The following RBFOX1 variants were observed in gnomAD, a reference collection of about 807,000 sequenced individuals.
RBFOX1 encodes the protein RNA binding fox-1 homolog 1.
RBFOX1 carries 8 observed loss-of-function variants against 57.7 expected under a neutral mutation model. That is an observed-to-expected ratio of 0.14 (90% CI 0.08 to 0.25). RBFOX1 has a LOEUF of 0.25. Among genes scored for constraint, RBFOX1 ranks in the 10% least tolerant of loss-of-function variants. RBFOX1 has a pLI of 1.00. For synonymous variants in RBFOX1, 326 were observed against 222.4 expected (o/e 1.47, Z -4.15); for missense variants, 611 against 548.5 (o/e 1.11, Z -1.14).
intron 3 of RBFOX1, among the ~76,000 whole-genome samples, chr16:5,688,531 C>T (rs1416512292): frequency 1.3e-5 from 2 of 152,102 alleles, no homozygotes; most frequent in Non-Finnish European, 2.9e-5. Context: ...TCCCAGATGT[C>T]CAGTGATGTT....
chr16:6,147,883 C>A (rs1396660033), intron 1 of RBFOX1, among the ~76,000 whole-genome samples: 2 of 152,158 alleles, frequency 1.3e-5, no homozygotes, highest in Non-Finnish European at 2.9e-5. Context: ...AATCTCAAAT[C>A]CCCCCACTTC....
intron 3 of RBFOX1, among the ~76,000 whole-genome samples, chr16:6,724,209 T>TC (rs2066635022): frequency 1.0e-5 from 1 of 95,478 alleles, no homozygotes; most frequent in African/African-American, 4.2e-5. Flanking sequence ...GCATCTTCCA[T>TC]TTTTTTTTTT....
chr16:6,037,600 T>A (rs1026286530), intron 1 of RBFOX1: 2 of 152,030 alleles, frequency 1.3e-5, no homozygotes, highest in African/African-American at 4.8e-5. Flanking sequence ...TTTTGTTTTA[T>A]TTTTTGTTTT....
chr16:7,636,953 A>G (rs1161077543), intron 11 of RBFOX1, among the ~76,000 whole-genome samples: 1 of 152,116 alleles, frequency 6.6e-6, no homozygotes. Context: ...TTACCTCTCA[A>G]AAGGCCCCAT....
chr16:7,326,788 G>A (rs1407107489), intron 4 of RBFOX1, among the ~76,000 whole-genome samples: 1 of 152,008 alleles, frequency 6.6e-6, no homozygotes, highest in Non-Finnish European at 1.5e-5. Flanking sequence ...TGAAACGCAG[G>A]CTTTTCCTAC....
intron 2 of RBFOX1, among the ~76,000 whole-genome samples, chr16:6,395,312 A>G (rs996462603): frequency 2.0e-5 from 3 of 152,158 alleles, no homozygotes; most frequent in Non-Finnish European, 4.4e-5. Flanking sequence ...AATTGGCTCA[A>G]AGTCTCCTGA....
chr16:7,588,941 G>C (rs796517253), intron 7 of RBFOX1, among the ~76,000 whole-genome samples: 64 of 152,272 alleles, frequency 4.2e-4, no homozygotes, highest in African/African-American at 1.5e-3. Flanking sequence ...AAGCAAAACA[G>C]AATCCCTTAC....
chr16:6,706,752 A>G (rs13337931), intron 3 of RBFOX1, among the ~76,000 whole-genome samples: 4,942 of 149,792 alleles, frequency 0.033, 275 homozygotes, highest in African/African-American at 0.11. Context: ...CAGAGTTCCA[A>G]TCTTACAAGA....
intron 4 of RBFOX1, among the ~76,000 whole-genome samples, chr16:7,165,144 C>G (rs749404236): frequency 6.6e-6 from 1 of 152,084 alleles, no homozygotes; most frequent in Non-Finnish European, 1.5e-5. Flanking sequence ...TCTGCTGGGT[C>G]CCTACTTGTG....
intron 2 of RBFOX1, among the ~76,000 whole-genome samples, chr16:6,424,448 A>C: frequency 6.6e-6 from 1 of 152,216 alleles, no homozygotes; most frequent in East Asian, 1.9e-4. Flanking sequence ...ACATCTAACC[A>C]TGTATGGAAA....
At chr16:6,814,847 C>G (rs925122387) in intron 3 of RBFOX1, among the ~76,000 whole-genome samples, 4 of 152,078 alleles carry the variant, frequency 2.6e-5, no homozygotes, top group Non-Finnish European at 5.9e-5. Context: ...GGTCCTGATC[C>G]AGACGCCAAG....
Position 7,452,577 on chromosome 16 carries a change from T to C in RBFOX1, c.28-65570T>C, listed in dbSNP as rs576716453. On this transcript the variant is annotated intron_variant, in intron 4 of 15. Coordinates refer to ENST00000550418, the MANE Select transcript of RBFOX1 (RefSeq NM_018723.4). ...GGTCTTACCTGTGGAAAGGTGTGGA[T>C]TGATATCTTTATTTATTCATGCATG... is the stretch of plus-strand genomic sequence containing the variant. Among the ~76,000 whole-genome samples, 5 of 152,336 alleles carry C rather than the reference T, an allele frequency of 3.3e-5. No individual in the cohort carries two copies. In the East Asian group the frequency reaches 7.7e-4, roughly 24 times the overall value.
In RBFOX1 at chr16:5,927,186, A is replaced by G. The variant is rs138483660; in HGVS notation, c.351+59851A>G. Among the ~76,000 whole-genome samples, 427 of 152,350 alleles carry G rather than the reference A, an allele frequency of 2.8e-3. 7 individuals carry two copies. The highest frequency in any genetic ancestry group is 3.4e-3 in the Middle Eastern group (1 of 294). ...CTTAAAATCCAATGAAAGTAAAACAATGTTACTAAATTCTATGCAGATTCC... is the reference window on the plus strand; with the variant it reads ...CTTAAAATCCAATGAAAGTAAAACAGTGTTACTAAATTCTATGCAGATTCC... On this transcript the variant is annotated intron_variant, in intron 4 of 19. Transcript: ENST00000641259.
At chr16:6,557,244 CT>C (rs1439786346) in intron 2 of RBFOX1, among the ~76,000 whole-genome samples, 1 of 150,998 alleles carries the variant, frequency 6.6e-6, no homozygotes, top group Non-Finnish European at 1.5e-5. Context: ...TCACCATGCC[CT>C]TCTTTTTCGG....
chr16:6,227,202 C>T (rs1014612467), intron 1 of RBFOX1, among the ~76,000 whole-genome samples: 2 of 152,034 alleles, frequency 1.3e-5, no homozygotes, highest in African/African-American at 4.8e-5. Context: ...CTACCCTGGC[C>T]CTCCTCAGAG....
intron 4 of RBFOX1, among the ~76,000 whole-genome samples, chr16:7,457,053 A>C (rs2058670756): frequency 6.6e-6 from 1 of 151,724 alleles, no homozygotes; most frequent in African/African-American, 2.4e-5. Flanking sequence ...ACGCCCGGCT[A>C]ATTTTGTATT....
At chr16:6,654,729 C>G in intron 3 of RBFOX1, 79 bp downstream of exon 3, 1 of 1,094,300 alleles carries the variant, frequency 9.1e-7, no homozygotes, top group African/African-American at 1.6e-5. Flanking sequence ...TTAAGGCATG[C>G]CCCTCTCGAT....
chr16:5,900,419 A>G (rs2058278755), intron 4 of RBFOX1, among the ~76,000 whole-genome samples: 1 of 152,172 alleles, frequency 6.6e-6, no homozygotes. Context: ...GAAAGAGAAA[A>G]TTCCCCAAAC....
At chr16:6,050,194 A>C (rs933292500) in intron 1 of RBFOX1, among the ~76,000 whole-genome samples, 2 of 152,140 alleles carry the variant, frequency 1.3e-5, no homozygotes, top group African/African-American at 4.8e-5. Flanking sequence ...TCCTGACCTC[A>C]AGTGATCTGC....
Sources: gnomAD v4.1 joint callset for allele counts (sites outside exome capture counted in the v4.1 genomes callset) on GRCh38, gnomAD v4.1.1 for gene constraint, MANE v1.5 for transcripts, NCBI Gene and HGNC (gene_info 2026-07-23, HGNC 2026-07-21) for gene names.